Variants in PSIP1 observed in about 807,000 individuals in gnomAD.
PSIP1 encodes the protein PC4 and SRSF1 interacting protein 1.
PSIP1 carries 19 observed loss-of-function variants against 74.7 expected under a neutral mutation model. That is an observed-to-expected ratio of 0.25 (90% CI 0.18 to 0.37). PSIP1 has a LOEUF of 0.37. Among genes scored for constraint, PSIP1 ranks in the 10% least tolerant of loss-of-function variants. PSIP1 has a pLI of 1.00. For synonymous variants in PSIP1, 222 were observed against 195.3 expected, an observed-to-expected ratio of 1.14 and a Z score of -1.14; for missense variants, 601 against 614.3, an observed-to-expected ratio of 0.98 and a Z score of 0.23.
intron 3 of PSIP1, among the ~76,000 whole-genome samples, chr9:15,493,864 G>T (rs1267820412): frequency 6.6e-6 from 1 of 152,122 alleles, no homozygotes; most frequent in African/African-American, 2.4e-5. Context: ...TACAATTCGA[G>T]GTGTAATTTG....
intron 3 of PSIP1, among the ~76,000 whole-genome samples, chr9:15,491,491 G>A (rs1232347840): frequency 2.0e-5 from 3 of 152,182 alleles, no homozygotes; most frequent in African/African-American, 7.2e-5. Context: ...TAATTTTGGT[G>A]AGTAGGTACA....
At chr9:15,504,377 A>C (rs1344119958) in intron 3 of PSIP1, among the ~76,000 whole-genome samples, 1 of 152,182 alleles carries the variant, frequency 6.6e-6, no homozygotes, top group Non-Finnish European at 1.5e-5. Flanking sequence ...TTTTAAATGC[A>C]GGAGAAGGGA....
chr9:15,498,127 A>T (rs574667886), intron 3 of PSIP1, among the ~76,000 whole-genome samples: 2 of 152,294 alleles, frequency 1.3e-5, no homozygotes, highest in African/African-American at 2.4e-5. Context: ...TAAGTGGGTC[A>T]AGCCGGGAAT....
Position 15,465,431 on chromosome 9 carries a change from T to C in PSIP1, c.*89A>G. 8.5e-7 allele frequency: 1 copy of C among 1,179,526 alleles called. No homozygotes were observed. Among genetic ancestry groups the C allele is most frequent in the South Asian group, 1.4e-5 (1 of 73,180 alleles). 73.1% of individuals were successfully genotyped at this position (1,179,526 alleles called of 1,614,324 possible). A position where few individuals can be genotyped will look rare whatever the true frequency, so the allele number is the denominator to read the frequency against. ...CAAGTTTTCAACATCAAACCTATGC[T>C]TATAAAAATTTAAAACTTTCAGCAG... On this transcript the variant is annotated 3_prime_UTR_variant, in exon 16 of 16. Coordinates refer to ENST00000380733, the MANE Select transcript of PSIP1 (RefSeq NM_033222.5).
At chr9:15,497,876 A>G (rs2037157865) in intron 3 of PSIP1, among the ~76,000 whole-genome samples, 1 of 152,204 alleles carries the variant, frequency 6.6e-6, no homozygotes, top group Admixed American at 6.5e-5. Flanking sequence ...TTGTATATAT[A>G]CATATATAAC....
chr9:15,488,339 C>T (rs2036647467), intron 4 of PSIP1, among the ~76,000 whole-genome samples: 1 of 151,962 alleles, frequency 6.6e-6, no homozygotes, highest in South Asian at 2.1e-4. Flanking sequence ...TCAACAACAA[C>T]AACAAAAAAA....
chr9:15,473,915 C>CAAAAAAAAAAAACAAA, intron 9 of PSIP1, 94 bp downstream of exon 9: 1 of 598,852 alleles, frequency 1.7e-6, no homozygotes, highest in Non-Finnish European at 2.3e-6. Context: ...AAAAAAAAAA[C>CAAAAAAAAAAAACAAA]AAAAAAAAAA....
At chr9:15,500,818 T>C (rs571418737) in intron 3 of PSIP1, among the ~76,000 whole-genome samples, 1 of 152,326 alleles carries the variant, frequency 6.6e-6, no homozygotes, top group African/African-American at 2.4e-5. Context: ...TTAAATTTCC[T>C]AGACTTCTAA....
chr9:15,473,974 A>G lies in PSIP1; in HGVS notation c.858+35T>C, dbSNP rs779772946. 10 of 1,466,374 alleles carry G rather than the reference A, an allele frequency of 6.8e-6. No homozygotes were observed. The South Asian group carries it at 1.1e-4, about 16-fold the overall frequency. 90.8% of individuals were successfully genotyped at this position (1,466,374 alleles called of 1,614,324 possible). A position where few individuals can be genotyped will look rare whatever the true frequency, so the allele number is the denominator to read the frequency against. Reference sequence around the variant, plus strand: ...CAAAAAATATATATATAAACTAAGAATAGAACAGCCATTTTATATATGTAA... The same window carrying G: ...CAAAAAATATATATATAAACTAAGAGTAGAACAGCCATTTTATATATGTAA... On this transcript the variant is annotated intron_variant, in intron 9 of 15. Coordinates refer to ENST00000380733, the MANE Select transcript of PSIP1 (RefSeq NM_033222.5).
chr9:15,468,150 C>A, intron 14 of PSIP1, among the ~76,000 whole-genome samples: 1 of 149,674 alleles, frequency 6.7e-6, no homozygotes, highest in Admixed American at 6.6e-5. Flanking sequence ...AAGGACATGG[C>A]ATTAATACTG....
chr9:15,495,691 C>G (rs1182321748), intron 3 of PSIP1, among the ~76,000 whole-genome samples: 2 of 152,148 alleles, frequency 1.3e-5, no homozygotes, highest in African/African-American at 4.8e-5. Context: ...AGATCACATT[C>G]CAATATTTTA....
intron 9 of PSIP1, 148 bp from the exon 10 acceptor site, chr9:15,472,898 C>A: frequency 1.4e-6 from 1 of 707,436 alleles, no homozygotes; most frequent in Non-Finnish European, 2.3e-6. Context: ...CTTTGAATTA[C>A]ACCTATCTCT....
chr9:15,499,442 T>C (rs2037230582), intron 3 of PSIP1, among the ~76,000 whole-genome samples: 1 of 152,228 alleles, frequency 6.6e-6, no homozygotes, highest in African/African-American at 2.4e-5. Context: ...AGTGTGTACA[T>C]GTGCATTCCA....
rs59867087 is a variant in PSIP1 at position 15,484,911 on chromosome 9, C to CA, written c.456+1094dup. On this transcript the variant is annotated intron_variant, in intron 6 of 15. Coordinates refer to ENST00000380733, the MANE Select transcript of PSIP1 (RefSeq NM_033222.5). ...CTGGATGACAGAGCGAGATCCGTCT[C>CA]AAAAAAAAAAAAAAAAAAAAAAATT... is the stretch of plus-strand genomic sequence containing the variant. 4.6e-3 allele frequency among the ~76,000 whole-genome samples: 379 copies of CA among 81,606 alleles called. 1 individual carries two copies. Among genetic ancestry groups the CA allele is most frequent in the East Asian group, 8.5e-3 (23 of 2,694 alleles). The allele number at this position is 81,606 out of a possible 152,430, so 53.5% of individuals were successfully genotyped here.
intron 8 of PSIP1, among the ~76,000 whole-genome samples, chr9:15,477,292 GC>G (rs1401961798): frequency 3.9e-5 from 6 of 152,108 alleles, no homozygotes; most frequent in African/African-American, 1.4e-4. Context: ...CTGTGGAATG[GC>G]TAAATCAAGC....
Position 15,472,646 on chromosome 9 carries a change from T to C in PSIP1, c.963A>G (p.Gln321=), listed in dbSNP as rs1420872047. 6.2e-7 allele frequency: 1 copy of C among 1,600,526 alleles called. No homozygotes were observed. The highest frequency in any genetic ancestry group is 1.1e-5 in the South Asian group (1 of 87,038). The change falls in exon 10 of 16, where the codon CAA becomes CAG. Residue 321 remains glutamine (Q), a synonymous_variant. Transcript: ENST00000380733. ...AADRKRKQEE[Q]METEQQNKDE... is the part of the protein sequence containing the mutation. ...AAAATACTTACTGCTCAGTTTCCAT[T>C]TGTTCCTCTTGCTTGCGTTTTCGAT... is the stretch of plus-strand genomic sequence containing the variant.
At chr9:15,495,968 A>C (rs1005956326) in intron 3 of PSIP1, among the ~76,000 whole-genome samples, 8 of 152,134 alleles carry the variant, frequency 5.3e-5, no homozygotes, top group Non-Finnish European at 1.2e-4. Context: ...CTGCACTATC[A>C]TCTTTGTTGA....
At chr9:15,492,999 G>C (rs1586836494) in intron 3 of PSIP1, among the ~76,000 whole-genome samples, 2 of 152,274 alleles carry the variant, frequency 1.3e-5, no homozygotes, top group South Asian at 4.1e-4. Flanking sequence ...ATGATGAGAG[G>C]GGCTGCCAGG....
chr9:15,496,223 C>A (rs1356877747), intron 3 of PSIP1, among the ~76,000 whole-genome samples: 2 of 152,134 alleles, frequency 1.3e-5, no homozygotes, highest in Non-Finnish European at 2.9e-5. Context: ...AAATTTTAAC[C>A]ATGTTGTTAG....
Sources: gnomAD v4.1 joint callset for allele counts (sites outside exome capture counted in the v4.1 genomes callset) on GRCh38, gnomAD v4.1.1 for gene constraint, MANE v1.5 for transcripts, NCBI Gene and HGNC (gene_info 2026-07-23, HGNC 2026-07-21) for gene names.